The following RAB28 variants were observed in gnomAD, a reference collection of about 807,000 sequenced individuals.
The protein encoded by RAB28 is RAB28, member RAS oncogene family.
RAB28 carries 24 observed loss-of-function variants against 31.7 expected under a neutral mutation model. That is an observed-to-expected ratio of 0.76 (90% CI 0.55 to 1.06). RAB28 has a LOEUF of 1.06. RAB28 is among the 50% of genes least tolerant of loss of function. The probability of loss-of-function intolerance (pLI) is 0.00; values close to 1 mark genes in which losing one functional copy is unlikely to be tolerated. For missense variants in RAB28, 254 were observed against 258.5 expected, an observed-to-expected ratio of 0.98 and a Z score of 0.12; for synonymous variants, 100 against 90.4, an observed-to-expected ratio of 1.11 and a Z score of -0.60.
intron 4 of RAB28, among the ~76,000 whole-genome samples, chr4:13,434,556 T>C (rs1713987510): frequency 6.6e-6 from 1 of 152,128 alleles, no homozygotes; most frequent in Non-Finnish European, 1.5e-5. Context: ...ATTAGACTCT[T>C]GGCATAGTCT....
intron 4 of RAB28, among the ~76,000 whole-genome samples, chr4:13,434,041 C>T (rs1713961944): frequency 6.6e-6 from 1 of 152,084 alleles, no homozygotes; most frequent in South Asian, 2.1e-4. Flanking sequence ...GGCCACTATC[C>T]TAAATGAATT....
intron 4 of RAB28, among the ~76,000 whole-genome samples, chr4:13,418,029 T>C (rs180998887): frequency 7.3e-4 from 111 of 152,214 alleles, no homozygotes; most frequent in Non-Finnish European, 1.5e-3. Flanking sequence ...AATGGCTAAC[T>C]AGAATAAACA....
intron 6 of RAB28, among the ~76,000 whole-genome samples, chr4:13,374,869 T>C (rs549048735): frequency 1.5e-4 from 23 of 152,296 alleles, no homozygotes; most frequent in Admixed American, 3.3e-4. Flanking sequence ...AAAATGATTA[T>C]AGGTCTAATA....
At chr4:13,418,224 A>G (rs181123944) in intron 4 of RAB28, among the ~76,000 whole-genome samples, 24 of 152,312 alleles carry the variant, frequency 1.6e-4, no homozygotes, top group African/African-American at 5.5e-4. Flanking sequence ...AAAGAAATGA[A>G]CAAAGCCTCC....
At chr4:13,401,603 A>G (rs935058716) in intron 4 of RAB28, among the ~76,000 whole-genome samples, 7 of 152,168 alleles carry the variant, frequency 4.6e-5, no homozygotes, top group African/African-American at 1.4e-4. Flanking sequence ...TTTTTGTGAT[A>G]TTTGCTTACA....
At chr4:13,437,243 C>A (rs547072592) in intron 4 of RAB28, among the ~76,000 whole-genome samples, 1 of 152,194 alleles carries the variant, frequency 6.6e-6, no homozygotes, top group East Asian at 1.9e-4. Context: ...AAATGTAAGA[C>A]CTCAAACTAT....
intron 4 of RAB28, among the ~76,000 whole-genome samples, chr4:13,436,575 C>G (rs940365225): frequency 2.6e-5 from 4 of 151,870 alleles, no homozygotes; most frequent in Non-Finnish European, 5.9e-5. Flanking sequence ...AAGCTTAGAA[C>G]CAAATCAAGA....
chr4:13,442,414 A>G (rs1423894383), intron 4 of RAB28, among the ~76,000 whole-genome samples: 6 of 152,014 alleles, frequency 3.9e-5, no homozygotes, highest in South Asian at 4.1e-4. Context: ...GCAATAGCAC[A>G]AGAGCTTTCA....
intron 4 of RAB28, among the ~76,000 whole-genome samples, chr4:13,407,229 A>G (rs1393864665): frequency 6.6e-6 from 1 of 152,198 alleles, no homozygotes; most frequent in Non-Finnish European, 1.5e-5. Context: ...GCATATGGCT[A>G]GCCAGTTTTC....
At chr4:13,382,244 A>T (rs1457752726) in intron 4 of RAB28, among the ~76,000 whole-genome samples, 1 of 152,166 alleles carries the variant, frequency 6.6e-6, no homozygotes, top group African/African-American at 2.4e-5. Flanking sequence ...AAGGCACAGT[A>T]CTCATATCCA....
rs943699444 is a variant in RAB28, at chr4:13,376,122, T to C, written c.573+423A>G. Reference sequence around the variant, plus strand: ...ACTATCTAGGAATAGTGAAAAAACATAGAAATCCTTACTAATTAATAACAC... The same window carrying C: ...ACTATCTAGGAATAGTGAAAAAACACAGAAATCCTTACTAATTAATAACAC... On this transcript the variant is annotated intron_variant, in intron 6 of 6. Transcript: ENST00000330852. Among the ~76,000 whole-genome samples, 7 of 152,206 alleles carry C rather than the reference T, an allele frequency of 4.6e-5. No homozygotes were observed. The South Asian group carries it at 1.4e-3, about 31-fold the overall frequency.
At chr4:13,466,642 C>CA (rs1715857548) in intron 3 of RAB28, among the ~76,000 whole-genome samples, 1 of 151,640 alleles carries the variant, frequency 6.6e-6, no homozygotes, top group African/African-American at 2.4e-5. Context: ...GGAGGTTCCT[C>CA]AAAAAAACTA....
chr4:13,460,656 G>T (rs770910786), intron 4 of RAB28, 43 bp downstream of exon 4: 2 of 1,611,154 alleles, frequency 1.2e-6, no homozygotes, highest in Admixed American at 1.7e-5. Context: ...GTCCACAACA[G>T]CAAGTAAACT....
intron 6 of RAB28, among the ~76,000 whole-genome samples, chr4:13,375,428 A>T (rs1399190429): frequency 1.3e-5 from 2 of 152,166 alleles, no homozygotes; most frequent in Non-Finnish European, 1.5e-5. Context: ...CTCTCTAACT[A>T]AGCAGAGACA....
In RAB28 at chr4:13,401,542, G is replaced by T. The variant is rs147820469; in HGVS notation, c.392-19948C>A. Among the ~76,000 whole-genome samples the T allele has an allele frequency of 4.6e-3, 697 of 152,214 alleles. 6 individuals carry two copies. The highest frequency in any genetic ancestry group is 0.016 in the African/African-American group (664 of 41,558). ...AAGTAAAATAATTTTAAAAAAAATT[G>T]TTAAGGAATTTGTTCGTTTAATCTA... is the stretch of plus-strand genomic sequence containing the variant. On this transcript the variant is annotated intron_variant, in intron 4 of 6. Transcript: ENST00000330852.
intron 4 of RAB28, among the ~76,000 whole-genome samples, chr4:13,384,201 C>A (rs535415891): frequency 6.6e-6 from 1 of 152,298 alleles, no homozygotes; most frequent in South Asian, 2.1e-4. Flanking sequence ...GCACAGAGGG[C>A]AGGCACAGAC....
At chr4:13,444,532 A>G (rs573107472) in intron 4 of RAB28, among the ~76,000 whole-genome samples, 1 of 152,328 alleles carries the variant, frequency 6.6e-6, no homozygotes, top group Non-Finnish European at 1.5e-5. Context: ...TCCTTTAAAT[A>G]TATAACTAGA....
At chr4:13,390,934 C>T (rs1008775577) in intron 4 of RAB28, among the ~76,000 whole-genome samples, 1 of 152,106 alleles carries the variant, frequency 6.6e-6, no homozygotes, top group Non-Finnish European at 1.5e-5. Context: ...AAATGTTAGA[C>T]CTAAAACCAT....
chr4:13,481,816 G>A (rs1716620527), intron 1 of RAB28, among the ~76,000 whole-genome samples: 1 of 152,010 alleles, frequency 6.6e-6, no homozygotes, highest in African/African-American at 2.4e-5. Context: ...GAGTTAGATT[G>A]AGCAGGAAAA....
Sources: allele counts gnomAD v4.1 joint callset (sites outside exome capture counted in the v4.1 genomes callset), GRCh38; gene constraint gnomAD v4.1.1; transcripts MANE v1.5; gene names NCBI Gene and HGNC (gene_info 2026-07-23, HGNC 2026-07-21).